The following CHN2 variants were observed in gnomAD, a reference collection of about 807,000 sequenced individuals.
CHN2 encodes chimerin 2.
CHN2 carries 35 observed loss-of-function variants against 56.3 expected under a neutral mutation model. The ratio of observed to expected loss-of-function variants is 0.62; its 90% CI spans 0.47 to 0.82. The LOEUF is 0.82. CHN2 is among the 40% of genes least tolerant of loss of function. The pLI is 0.00. For synonymous variants in CHN2, 210 were observed against 212.8 expected (o/e 0.99, Z 0.12); for missense variants, 491 against 580.5 (o/e 0.85, Z 1.58).
chr7:29,395,935 C>T (rs1191970846), intron 4 of CHN2, among the ~76,000 whole-genome samples: 1 of 152,062 alleles, frequency 6.6e-6, no homozygotes, highest in Non-Finnish European at 1.5e-5. Flanking sequence ...TCCAAAATAG[C>T]TAAGAGAGGC....
intron 6 of CHN2, among the ~76,000 whole-genome samples, chr7:29,460,571 T>C (rs1010317791): frequency 6.6e-6 from 1 of 152,160 alleles, no homozygotes; most frequent in African/African-American, 2.4e-5. Flanking sequence ...CAAGAGAGGA[T>C]GGTTTTAAAA....
chr7:29,298,398 G>A (rs941450360), intron 1 of CHN2, among the ~76,000 whole-genome samples: 6 of 151,798 alleles, frequency 4.0e-5, no homozygotes, highest in African/African-American at 1.2e-4. Flanking sequence ...AATGTGTTTC[G>A]GGGGGGTTGC....
At chr7:29,472,092 C>G (rs1786105929) in intron 6 of CHN2, among the ~76,000 whole-genome samples, 1 of 152,098 alleles carries the variant, frequency 6.6e-6, no homozygotes, top group Non-Finnish European at 1.5e-5. Context: ...GATAACCACC[C>G]CTTTGATTAT....
At chr7:29,508,791 C>T (rs549813322) in intron 11 of CHN2, among the ~76,000 whole-genome samples, 12 of 152,298 alleles carry the variant, frequency 7.9e-5, no homozygotes, top group East Asian at 1.9e-4. Context: ...GCCAACGCCA[C>T]GGTGAGAAGT....
At chr7:29,407,906 G>A (rs962751755) in intron 6 of CHN2, among the ~76,000 whole-genome samples, 7 of 152,186 alleles carry the variant, frequency 4.6e-5, no homozygotes, top group Admixed American at 3.9e-4. Context: ...AAATGCCCAT[G>A]GCCGGGCTTG....
chr7:29,495,488 G>A (rs943031717), intron 7 of CHN2, among the ~76,000 whole-genome samples: 1 of 152,198 alleles, frequency 6.6e-6, no homozygotes, highest in Non-Finnish European at 1.5e-5. Context: ...GTAGCTCAAA[G>A]ACTTGGAACC....
At chr7:29,204,404 G>A (rs1027985307) in intron 1 of CHN2, among the ~76,000 whole-genome samples, 1 of 152,048 alleles carries the variant, frequency 6.6e-6, no homozygotes, top group African/African-American at 2.4e-5. Flanking sequence ...TAATTTGGCT[G>A]CCTAATATTG....
chr7:29,242,982 A>G (rs998221691), intron 1 of CHN2, among the ~76,000 whole-genome samples: 2 of 151,834 alleles, frequency 1.3e-5, no homozygotes, highest in Non-Finnish European at 2.9e-5. Context: ...TACCTTAATT[A>G]TTTATATAAT....
intron 1 of CHN2, among the ~76,000 whole-genome samples, chr7:29,245,842 C>T (rs1011356868): frequency 6.6e-6 from 1 of 152,212 alleles, no homozygotes; most frequent in Non-Finnish European, 1.5e-5. Context: ...TTCTCTTCCA[C>T]ACCTCTCAGC....
chr7:29,383,707 A>C (rs1345615129), intron 3 of CHN2, among the ~76,000 whole-genome samples: 2 of 152,194 alleles, frequency 1.3e-5, no homozygotes, highest in Non-Finnish European at 2.9e-5. Flanking sequence ...GAGTATGCCA[A>C]GGAGGGGAGT....
At chr7:29,236,162 A>T (rs1787182112) in intron 1 of CHN2, among the ~76,000 whole-genome samples, 1 of 152,214 alleles carries the variant, frequency 6.6e-6, no homozygotes, top group African/African-American at 2.4e-5. Context: ...GCTTCCCTGG[A>T]GGAGAAAGGA....
chr7:29,266,187 C>T (rs576452912), intron 1 of CHN2, among the ~76,000 whole-genome samples: 2 of 152,306 alleles, frequency 1.3e-5, no homozygotes, highest in South Asian at 2.1e-4. Context: ...GAAACTGGAA[C>T]ACCATTGGGC....
rs140782605 is a variant in CHN2 at position 29,257,707 on chromosome 7, G to A, written c.49+62717G>A. 2.1e-4 allele frequency among the ~76,000 whole-genome samples: 32 copies of A among 152,230 alleles called. No homozygotes were observed. The East Asian group carries it at 4.8e-3, about 23-fold the overall frequency. ...CCTTCTGTCCTTCCTCCTGCTACTC[G>A]GCCTGGCGATATCCTGCTCTCCCTA... is the stretch of plus-strand genomic sequence containing the variant. On this transcript the variant is annotated intron_variant, in intron 1 of 12. Coordinates refer to ENST00000222792, the MANE Select transcript of CHN2 (RefSeq NM_004067.4).
intron 6 of CHN2, among the ~76,000 whole-genome samples, chr7:29,412,398 C>T (rs530290148): frequency 8.1e-6 from 1 of 122,752 alleles, no homozygotes; most frequent in African/African-American, 3.1e-5. Context: ...GTGGTGCCAT[C>T]TTGGCTGACT....
intron 1 of CHN2, among the ~76,000 whole-genome samples, chr7:29,314,205 C>T (rs1381722240): frequency 6.6e-6 from 1 of 152,306 alleles, no homozygotes; most frequent in Admixed American, 6.5e-5. Flanking sequence ...GAATGTTATT[C>T]AGCCTTAAAA....
At chr7:29,263,663 G>A (rs1265108325) in intron 1 of CHN2, among the ~76,000 whole-genome samples, 3 of 150,698 alleles carry the variant, frequency 2.0e-5, no homozygotes, top group African/African-American at 4.9e-5. Context: ...AGTGAGGAGC[G>A]CCTCTTCCCG....
At chr7:29,267,190 T>C (rs1172328815) in intron 1 of CHN2, among the ~76,000 whole-genome samples, 3 of 152,090 alleles carry the variant, frequency 2.0e-5, no homozygotes, top group Non-Finnish European at 4.4e-5. Context: ...TGTATCTTTA[T>C]GGGACAACTC....
chr7:29,212,567 G>A (rs1785035806), intron 1 of CHN2: 8 of 1,444,662 alleles, frequency 5.5e-6, no homozygotes, highest in South Asian at 1.1e-5. Context: ...AAAGGGAGAC[G>A]AGGTCCCAGT....
chr7:29,229,721 G>A (rs555125881), intron 1 of CHN2, among the ~76,000 whole-genome samples: 6 of 152,190 alleles, frequency 3.9e-5, no homozygotes, highest in African/African-American at 9.7e-5. Flanking sequence ...GGTGGCTCAT[G>A]CCTGTAATAT....
Sources: gnomAD v4.1 joint callset for allele counts (sites outside exome capture counted in the v4.1 genomes callset) on GRCh38, gnomAD v4.1.1 for gene constraint, MANE v1.5 for transcripts, NCBI Gene and HGNC (gene_info 2026-07-23, HGNC 2026-07-21) for gene names.